The following LSG1 variants were observed in gnomAD, a reference collection of about 807,000 sequenced individuals.
The protein encoded by LSG1 is large subunit GTPase 1 homolog.
LSG1 carries 55 observed loss-of-function variants against 82.6 expected under a neutral mutation model. That is an observed-to-expected ratio of 0.67 (90% CI 0.54 to 0.83). The LOEUF (loss-of-function observed/expected upper bound fraction) is 0.83. Ranked by LOEUF, LSG1 falls within the 40% of genes least tolerant of loss-of-function variation. The probability of loss-of-function intolerance (pLI) is 0.00; values close to 1 mark genes in which losing one functional copy is unlikely to be tolerated. For synonymous variants in LSG1, 272 were observed against 282.5 expected (o/e 0.96, Z 0.37); for missense variants, 809 against 807.9 (o/e 1.00, Z -0.02).
At chr3:194,669,703 G>A (rs1230133811) in intron 2 of LSG1, among the ~76,000 whole-genome samples, 5 of 152,188 alleles carry the variant, frequency 3.3e-5, no homozygotes, top group African/African-American at 1.2e-4. Flanking sequence ...GGAGGCCAAG[G>A]AAGGCGAATC....
chr3:194,665,283 C>T (rs923215280), intron 5 of LSG1, among the ~76,000 whole-genome samples: 2 of 152,148 alleles, frequency 1.3e-5, no homozygotes, highest in Admixed American at 1.3e-4. Context: ...CCAGTAGAAA[C>T]CAAATATACA....
chr3:194,648,890 A>C, intron 10 of LSG1, 86 bp from the exon 11 acceptor site: 1 of 1,359,450 alleles, frequency 7.4e-7, no homozygotes, highest in South Asian at 1.3e-5. Flanking sequence ...ATGGCACTTC[A>C]TTCCGCGTGT....
At position 194,658,945 on chromosome 3, in the gene LSG1, C is replaced by T; in HGVS notation, c.759+12G>A. On this transcript the variant is annotated intron_variant, in intron 7 of 13. Transcript: ENST00000265245. ...CTCTTTGAAAGCCAACCTAAAATGT[C>T]CCTCAGGTTACCTCAGAGTCACCAT... The T allele has an allele frequency of 6.3e-7, 1 of 1,594,082 alleles. No individual in the cohort carries two copies. Among genetic ancestry groups the T allele is most frequent in the Non-Finnish European group, 8.6e-7 (1 of 1,167,200 alleles).
chr3:194,655,008 T>C (rs1347945841), intron 7 of LSG1, among the ~76,000 whole-genome samples: 1 of 152,184 alleles, frequency 6.6e-6, no homozygotes, highest in East Asian at 1.9e-4. Flanking sequence ...TTCTAATACA[T>C]TCATGTTTGA....
intron 13 of LSG1, 86 bp downstream of exon 13, chr3:194,644,482 TAATAA>T: frequency 5.1e-6 from 4 of 783,874 alleles, no homozygotes; most frequent in Non-Finnish European, 7.4e-6. Context: ...TTTTTGGGGT[TAATAA>T]AATGTGTTTA....
chr3:194,647,631 T>A (rs1431807303), intron 11 of LSG1, among the ~76,000 whole-genome samples: 1 of 152,246 alleles, frequency 6.6e-6, no homozygotes, highest in Admixed American at 6.5e-5. Context: ...AGATGAAACA[T>A]CTTAAAAGAC....
chr3:194,648,597 A>G (rs1363013489), intron 11 of LSG1, 84 bp downstream of exon 11: 8 of 1,400,794 alleles, frequency 5.7e-6, no homozygotes, highest in South Asian at 1.3e-5. Flanking sequence ...CAGAACAGCA[A>G]TTCTAGTACT....
intron 5 of LSG1, chr3:194,660,879 G>T (rs1396170704): frequency 4.4e-6 from 2 of 456,470 alleles, no homozygotes; most frequent in Non-Finnish European, 8.8e-6. Context: ...GACTACAGGT[G>T]TCCAGCACTG....
intron 2 of LSG1, among the ~76,000 whole-genome samples, chr3:194,667,598 A>T (rs866103238): frequency 6.6e-6 from 1 of 151,662 alleles, no homozygotes; most frequent in South Asian, 2.1e-4. Flanking sequence ...CTCCACTAAA[A>T]CTGTTCTGGC....
At chr3:194,642,801 C>G (rs2108613670) in intron 13 of LSG1, among the ~76,000 whole-genome samples, 1 of 152,330 alleles carries the variant, frequency 6.6e-6, no homozygotes, top group East Asian at 1.9e-4. Flanking sequence ...AATAAACTTG[C>G]AATCTTTTTG....
intron 5 of LSG1, among the ~76,000 whole-genome samples, chr3:194,662,318 C>T (rs1372635318): frequency 1.3e-5 from 2 of 152,208 alleles, no homozygotes; most frequent in Non-Finnish European, 2.9e-5. Flanking sequence ...ACTGGGACCT[C>T]AGGCACAGGG....
intron 5 of LSG1, 32 bp from the exon 6 acceptor site, chr3:194,660,165 C>T (rs755121089): frequency 8.8e-6 from 14 of 1,585,532 alleles, no homozygotes; most frequent in African/African-American, 5.4e-5. Flanking sequence ...GACCAATCAC[C>T]GTGAAGTGAA....
chr3:194,652,871 G>C lies in LSG1; in HGVS notation c.1031C>G (p.Ser344Cys), dbSNP rs764286053. The change falls in exon 8 of 14, where the codon TCT (serine) becomes TGT (cysteine). Residue 344 changes from serine (S) to cysteine (C), a missense_variant. Physicochemically the swap from Ser to Cys is moderately radical, Grantham distance 112. Transcript: ENST00000265245. Reference protein sequence around the residue: ...QDWKESSTADSEARSRKTPQK... With the variant: ...QDWKESSTADCEARSRKTPQK... ...TGGGGTTTTCCTGCTCCGAGCCTCA[G>C]AATCTGCAGTAGAGCTTTCCTTCCA... 1.2e-6 allele frequency: 2 copies of C among 1,614,136 alleles called. No homozygotes were observed. The highest frequency in any genetic ancestry group is 1.7e-6 in the Non-Finnish European group (2 of 1,180,038).
At chr3:194,658,377 C>T (rs1480915428) in intron 7 of LSG1, among the ~76,000 whole-genome samples, 2 of 152,144 alleles carry the variant, frequency 1.3e-5, no homozygotes, top group African/African-American at 4.8e-5. Context: ...GAACTCCCGA[C>T]CTCAGGTGAT....
chr3:194,666,134 T>G, intron 4 of LSG1, 69 bp downstream of exon 4: 1 of 1,292,116 alleles, frequency 7.7e-7, no homozygotes, highest in Non-Finnish European at 1.1e-6. Context: ...CACAAATGGC[T>G]GTGTAAGCAT....
chr3:194,666,095 T>C, intron 4 of LSG1, 108 bp downstream of exon 4: 1 of 964,050 alleles, frequency 1.0e-6, no homozygotes, highest in Admixed American at 2.2e-5. Context: ...TGCTACCATT[T>C]CCTTCTTAAA....
chr3:194,664,940 TAAATAAATAA>T (rs1719002135), intron 5 of LSG1, among the ~76,000 whole-genome samples: 4 of 57,704 alleles, frequency 6.9e-5, no homozygotes, highest in East Asian at 2.3e-3. Flanking sequence ...AATAAATAAA[TAAATAAATAA>T]AAAACATAAA....
intron 1 of LSG1, 134 bp downstream of exon 1, chr3:194,671,930 G>A: frequency 1.3e-6 from 1 of 776,684 alleles, no homozygotes. Context: ...ACTCAGCTTG[G>A]CAGAAACTCC....
At chr3:194,648,157 T>C (rs77037847) in intron 11 of LSG1, among the ~76,000 whole-genome samples, 1 of 149,358 alleles carries the variant, frequency 6.7e-6, no homozygotes, top group African/African-American at 2.5e-5. Flanking sequence ...CAAGAAATCA[T>C]AGGTTCCCAC....
Sources: gnomAD v4.1 joint callset for allele counts (sites outside exome capture counted in the v4.1 genomes callset) on GRCh38, gnomAD v4.1.1 for gene constraint, MANE v1.5 for transcripts, NCBI Gene and HGNC (gene_info 2026-07-23, HGNC 2026-07-21) for gene names.